The following LRP1B variants were observed in gnomAD, a reference collection of about 807,000 sequenced individuals.
LRP1B encodes the protein low-density lipoprotein receptor-related protein 1B.
Under a neutral mutation model 556.6 loss-of-function variants are expected in LRP1B, and 217 were observed. That is an observed-to-expected ratio of 0.39 (90% CI 0.35 to 0.44). LRP1B has a LOEUF of 0.44. LRP1B is among the 20% of genes least tolerant of loss of function. LRP1B has a pLI of 1.00. For missense variants in LRP1B, 5,053 were observed against 5,620.8 expected (o/e 0.90, Z 3.23); for synonymous variants, 2,047 against 1,865.8 (o/e 1.10, Z -2.50).
chr2:140,457,937 C>A (rs1285041185), intron 60 of LRP1B, among the ~76,000 whole-genome samples: 1 of 151,960 alleles, frequency 6.6e-6, no homozygotes, highest in Non-Finnish European at 1.5e-5. Context: ...ATACCATCCA[C>A]CATTTTAAAA....
chr2:141,651,086 C>T (rs1249272954), intron 2 of LRP1B, among the ~76,000 whole-genome samples: 2 of 152,130 alleles, frequency 1.3e-5, no homozygotes, highest in Non-Finnish European at 2.9e-5. Context: ...ATTGGTCAAC[C>T]TTGTAAAACA....
chr2:141,652,221 G>A (rs1259882493), intron 2 of LRP1B, among the ~76,000 whole-genome samples: 1 of 152,072 alleles, frequency 6.6e-6, no homozygotes, highest in African/African-American at 2.4e-5. Flanking sequence ...CTCATTGAGA[G>A]GATTCTCTCC....
At chr2:140,769,366 A>G in intron 34 of LRP1B, 22 bp from the exon 35 acceptor site, 1 of 1,570,768 alleles carries the variant, frequency 6.4e-7, no homozygotes, top group African/African-American at 1.4e-5. Context: ...GCCGGAGATA[A>G]GGGGGGGAAG....
chr2:140,253,634 A>G (rs1681551281), intron 86 of LRP1B, among the ~76,000 whole-genome samples: 1 of 152,124 alleles, frequency 6.6e-6, no homozygotes, highest in Non-Finnish European at 1.5e-5. Context: ...ATATGTCCAG[A>G]GATGGAAAAT....
At chr2:142,005,104 T>G (rs1702762823) in intron 1 of LRP1B, among the ~76,000 whole-genome samples, 1 of 148,472 alleles carries the variant, frequency 6.7e-6, no homozygotes. Flanking sequence ...ATATATTTAT[T>G]AGTTATTTAC....
At chr2:141,004,461 A>G (rs4404211) in intron 15 of LRP1B, among the ~76,000 whole-genome samples, 146,227 of 152,104 alleles carry the variant, frequency 0.96, 70,333 homozygotes, top group East Asian at 0.99. Flanking sequence ...AAACTGAACC[A>G]TCAGCACTTC....
intron 41 of LRP1B, among the ~76,000 whole-genome samples, chr2:140,603,491 C>T (rs1054424637): frequency 6.6e-6 from 1 of 152,066 alleles, no homozygotes; most frequent in African/African-American, 2.4e-5. Flanking sequence ...TGAGAAATGG[C>T]ATAGCTCTGA....
chr2:141,165,485 T>C (rs1485185502), intron 7 of LRP1B, among the ~76,000 whole-genome samples: 2 of 152,056 alleles, frequency 1.3e-5, no homozygotes, highest in Non-Finnish European at 2.9e-5. Context: ...AATTAGCTAA[T>C]AATTTTACAT....
intron 1 of LRP1B, among the ~76,000 whole-genome samples, chr2:141,888,933 G>A (rs1349504197): frequency 2.0e-5 from 3 of 152,118 alleles, no homozygotes; most frequent in Admixed American, 1.3e-4. Flanking sequence ...AGGGAGCTGG[G>A]GAGAACTTAA....
chr2:141,124,635 T>G lies in LRP1B; in HGVS notation c.1014-62362A>C, dbSNP rs187387663. On this transcript the variant is annotated intron_variant, in intron 7 of 90. Transcript: ENST00000389484. Reference sequence around the variant, plus strand: ...TAAACTGGGATAAAGAAATTCTGTGTACATCATTGAAGAGATGGAGTGACA... The same window carrying G: ...TAAACTGGGATAAAGAAATTCTGTGGACATCATTGAAGAGATGGAGTGACA... 3.0e-5 allele frequency among the ~76,000 whole-genome samples: 4 copies of G among 134,884 alleles called. No homozygotes were observed. The East Asian group carries it at 8.6e-4, about 29-fold the overall frequency. 88.5% of individuals were successfully genotyped at this position (134,884 alleles called of 152,430 possible).
intron 1 of LRP1B, among the ~76,000 whole-genome samples, chr2:141,992,011 G>A (rs765204973): frequency 2.6e-5 from 4 of 152,034 alleles, no homozygotes; most frequent in Non-Finnish European, 4.4e-5. Flanking sequence ...CAAGTCCCTC[G>A]TATATTTTTA....
chr2:141,976,268 T>C (rs1701884190), intron 1 of LRP1B, among the ~76,000 whole-genome samples: 1 of 152,158 alleles, frequency 6.6e-6, no homozygotes, highest in African/African-American at 2.4e-5. Context: ...ACATCAAATT[T>C]TGCAAGATGT....
intron 1 of LRP1B, among the ~76,000 whole-genome samples, chr2:141,950,472 TC>T: frequency 6.6e-6 from 1 of 152,270 alleles, no homozygotes; most frequent in African/African-American, 2.4e-5. Context: ...ATGAATTATT[TC>T]CTTTGATGAA....
intron 2 of LRP1B, among the ~76,000 whole-genome samples, chr2:141,507,574 A>C (rs932191598): frequency 2.6e-5 from 4 of 152,126 alleles, no homozygotes; most frequent in African/African-American, 9.6e-5. Flanking sequence ...TCTTCAGGAG[A>C]GTACATATTT....
chr2:140,815,272 T>C (rs1691073186), intron 31 of LRP1B, among the ~76,000 whole-genome samples: 1 of 152,092 alleles, frequency 6.6e-6, no homozygotes, highest in African/African-American at 2.4e-5. Context: ...ACAAAGAATG[T>C]GAATCATTAA....
At chr2:141,973,544 C>A (rs996124624) in intron 1 of LRP1B, among the ~76,000 whole-genome samples, 1 of 151,720 alleles carries the variant, frequency 6.6e-6, no homozygotes, top group Non-Finnish European at 1.5e-5. Context: ...GCTGTTAATA[C>A]CTTGCAATGT....
At chr2:140,988,409 A>G (rs1197919084) in intron 17 of LRP1B, among the ~76,000 whole-genome samples, 1 of 152,138 alleles carries the variant, frequency 6.6e-6, no homozygotes, top group Non-Finnish European at 1.5e-5. Flanking sequence ...TGGCCCATGG[A>G]TCCTCAGCAA....
At chr2:141,988,924 C>A (rs902845711) in intron 1 of LRP1B, among the ~76,000 whole-genome samples, 1 of 151,988 alleles carries the variant, frequency 6.6e-6, no homozygotes, top group Non-Finnish European at 1.5e-5. Context: ...GTGCCTACTG[C>A]ATGCATATTT....
intron 7 of LRP1B, among the ~76,000 whole-genome samples, chr2:141,071,732 C>T (rs1296200959): frequency 6.6e-6 from 1 of 152,132 alleles, no homozygotes; most frequent in Non-Finnish European, 1.5e-5. Context: ...AGAGCCAAAT[C>T]ATGAGTGAGC....
Sources: allele counts gnomAD v4.1 joint callset (sites outside exome capture counted in the v4.1 genomes callset), GRCh38; gene constraint gnomAD v4.1.1; transcripts MANE v1.5; gene names NCBI Gene and HGNC (gene_info 2026-07-23, HGNC 2026-07-21).